STK32B: variants seen among roughly 807,000 people sequenced by gnomAD.
STK32B encodes the protein serine/threonine kinase 32B.
Under a neutral mutation model 52.6 loss-of-function variants are expected in STK32B, and 43 were observed. The ratio of observed to expected loss-of-function variants is 0.82; its 90% CI spans 0.64 to 1.05. STK32B has a LOEUF of 1.05. Ranked by LOEUF, STK32B falls within the 50% of genes least tolerant of loss-of-function variation. STK32B has a pLI of 0.00. For missense variants in STK32B, 621 were observed against 534.6 expected (o/e 1.16, Z -1.59); for synonymous variants, 238 against 204.3 (o/e 1.17, Z -1.41).
chr4:5,293,057 C>A (rs1039241392), intron 3 of STK32B, among the ~76,000 whole-genome samples: 1 of 152,076 alleles, frequency 6.6e-6, no homozygotes, highest in African/African-American at 2.4e-5. Context: ...TTTTCTGTTT[C>A]TGTGTTAGTT....
intron 4 of STK32B, among the ~76,000 whole-genome samples, chr4:5,361,515 G>T (rs185725638): frequency 6.6e-6 from 1 of 152,300 alleles, no homozygotes; most frequent in East Asian, 1.9e-4. Flanking sequence ...GCGACCATAG[G>T]TGTGTGCCAT....
intron 2 of STK32B, among the ~76,000 whole-genome samples, chr4:5,164,510 A>G (rs760418683): frequency 6.6e-6 from 1 of 152,358 alleles, no homozygotes; most frequent in Non-Finnish European, 1.5e-5. Flanking sequence ...CTGGGCTGCT[A>G]TCACACATGC....
intron 11 of STK32B, among the ~76,000 whole-genome samples, chr4:5,468,833 C>G (rs370318493): frequency 1.3e-5 from 2 of 152,022 alleles, no homozygotes; most frequent in African/African-American, 4.8e-5. Context: ...GAGGCTGAGG[C>G]GGGCAGATCA....
chr4:5,489,823 T>A (rs1409657351), intron 11 of STK32B, among the ~76,000 whole-genome samples: 1 of 152,260 alleles, frequency 6.6e-6, no homozygotes, highest in East Asian at 1.9e-4. Flanking sequence ...TGAGTGCTCA[T>A]TTATTGAAAT....
At chr4:5,019,420 A>G in the STK32B span, 3 of 1,483,504 alleles carry the variant, frequency 2.0e-6, no homozygotes, top group Non-Finnish European at 2.7e-6. Context: ...CAGCAGCAGC[A>G]CGGGCAGAGG....
chr4:5,382,916 T>G (rs1736021573), intron 4 of STK32B, among the ~76,000 whole-genome samples: 1 of 152,208 alleles, frequency 6.6e-6, no homozygotes, highest in African/African-American at 2.4e-5. Flanking sequence ...TTAAGGTCCC[T>G]TCCAGTGTCA....
chr4:5,420,100 G>A (rs1712498874), intron 6 of STK32B, among the ~76,000 whole-genome samples: 1 of 152,088 alleles, frequency 6.6e-6, no homozygotes, highest in South Asian at 2.1e-4. Context: ...TAAGGAAATG[G>A]AGGCTTAGGA....
At position 5,159,710 on chromosome 4, in the gene STK32B, T is replaced by TGA. The variant is rs1560186429; in HGVS notation, c.109-8589_109-8588insGA. On this transcript the variant is annotated intron_variant, in intron 2 of 11. Transcript: ENST00000282908. ...GAATATATATGAATATATATGAATA[T>TGA]ATATATGAATGTATATGAATATATA... Among the ~76,000 whole-genome samples, 87 of 102,914 alleles carry TGA rather than the reference T, an allele frequency of 8.5e-4. 4 individuals carry two copies. The highest frequency in any genetic ancestry group is 1.1e-3 in the Admixed American group (10 of 9,496). 67.5% of individuals were successfully genotyped at this position (102,914 alleles called of 152,430 possible).
intron 2 of STK32B, among the ~76,000 whole-genome samples, chr4:5,167,044 G>A (rs918626975): frequency 1.3e-5 from 2 of 152,268 alleles, no homozygotes; most frequent in Middle Eastern, 6.8e-3. Flanking sequence ...TGTGCTTGCT[G>A]TGTCTCCTCG....
At chr4:5,426,692 C>CAAAAAAAAAAAAAAAA (rs746246839) in intron 6 of STK32B, among the ~76,000 whole-genome samples, 15 of 77,992 alleles carry the variant, frequency 1.9e-4, no homozygotes, top group Admixed American at 5.7e-4. Context: ...TCCATCTAAA[C>CAAAAAAAAAAAAAAAA]AAAAAAAAAA....
intron 2 of STK32B, among the ~76,000 whole-genome samples, chr4:5,148,543 A>G (rs1717100129): frequency 6.6e-6 from 1 of 151,690 alleles, no homozygotes; most frequent in Non-Finnish European, 1.5e-5. Flanking sequence ...TGGTCTTTGA[A>G]GCTTTTTTAT....
intron 5 of STK32B, among the ~76,000 whole-genome samples, chr4:5,415,228 A>G (rs563437909): frequency 1.3e-5 from 2 of 152,338 alleles, no homozygotes; most frequent in South Asian, 4.1e-4. Flanking sequence ...GCATGTCACC[A>G]TCACTCTAAC....
the STK32B span, among the ~76,000 whole-genome samples, chr4:5,025,160 C>G: frequency 6.6e-6 from 1 of 152,154 alleles, no homozygotes; most frequent in African/African-American, 2.4e-5. Flanking sequence ...GGACCCAGCA[C>G]TTTTCTACTC....
chr4:5,345,882 T>G (rs1344963750), intron 4 of STK32B, among the ~76,000 whole-genome samples: 2 of 152,240 alleles, frequency 1.3e-5, no homozygotes, highest in Admixed American at 6.5e-5. Flanking sequence ...TAAATATGTA[T>G]TTTTAGTGAC....
At chr4:5,372,721 G>GGC (rs1553880189) in intron 4 of STK32B, among the ~76,000 whole-genome samples, 2 of 76,932 alleles carry the variant, frequency 2.6e-5, no homozygotes, top group African/African-American at 1.1e-4. Flanking sequence ...GGAGAAAGTT[G>GGC]GGGGGGGGGG....
intron 11 of STK32B, among the ~76,000 whole-genome samples, chr4:5,493,633 T>C (rs200907709): frequency 6.6e-6 from 1 of 152,052 alleles, no homozygotes; most frequent in African/African-American, 2.4e-5. Flanking sequence ...TTTGGATGTG[T>C]TTGCTCTTGC....
At chr4:5,191,890 C>A (rs1354455972) in intron 3 of STK32B, among the ~76,000 whole-genome samples, 2 of 152,166 alleles carry the variant, frequency 1.3e-5, no homozygotes, top group African/African-American at 2.4e-5. Context: ...CTACTGTGCT[C>A]CCAGGTCCAT....
chr4:5,317,528 A>T (rs1481724197), intron 3 of STK32B, among the ~76,000 whole-genome samples: 1 of 108,006 alleles, frequency 9.3e-6, no homozygotes, highest in South Asian at 2.4e-4. Context: ...TTTATTATAT[A>T]TATATTACAT....
rs73088002 is a variant in STK32B, at chr4:5,052,389, T to G, written c.52+474T>G. On this transcript the variant is annotated intron_variant, in intron 1 of 11. Coordinates refer to ENST00000282908, the MANE Select transcript of STK32B (RefSeq NM_018401.3). ...CGTGCAAGGGCCTGTTGGATGCAGCTCTCCTCAATCACCCAGGACAGAGGG... is the reference window on the plus strand; with the variant it reads ...CGTGCAAGGGCCTGTTGGATGCAGCGCTCCTCAATCACCCAGGACAGAGGG... Among the ~76,000 whole-genome samples the G allele has an allele frequency of 2.0e-3, 298 of 152,172 alleles. 1 individual carries two copies. The highest frequency in any genetic ancestry group is 7.0e-3 in the African/African-American group (290 of 41,508).
Sources: allele counts gnomAD v4.1 joint callset (sites outside exome capture counted in the v4.1 genomes callset), GRCh38; gene constraint gnomAD v4.1.1; transcripts MANE v1.5; gene names NCBI Gene and HGNC (gene_info 2026-07-23, HGNC 2026-07-21).